The following ATP8A1 variants were observed in gnomAD, a reference collection of about 807,000 sequenced individuals.
The protein encoded by ATP8A1 is ATPase phospholipid transporting 8A1.
ATP8A1 carries 90 observed loss-of-function variants against 177.7 expected under a neutral mutation model. The observed-to-expected ratio is 0.51, with a 90% CI of 0.43 to 0.60. The LOEUF (loss-of-function observed/expected upper bound fraction) is 0.60, where lower values mean the gene tolerates loss of function less well. Among genes scored for constraint, ATP8A1 ranks in the 20% least tolerant of loss-of-function variants. The pLI is 0.00. For missense variants in ATP8A1, 1,072 were observed against 1,392.8 expected (o/e 0.77, Z 3.67); for synonymous variants, 493 against 485.9 (o/e 1.01, Z -0.19).
intron 10 of ATP8A1, 142 bp downstream of exon 10, chr4:42,581,479 G>T: frequency 1.5e-6 from 1 of 675,204 alleles, no homozygotes; most frequent in Non-Finnish European, 2.6e-6. Context: ...ACTCACAGGA[G>T]TACCAGATTC....
intron 6 of ATP8A1, 48 bp downstream of exon 6, chr4:42,600,430 A>AC (rs1465939605): frequency 6.6e-7 from 1 of 1,520,982 alleles, no homozygotes; most frequent in Admixed American, 1.9e-5. Context: ...ACTAGAGTAC[A>AC]CCGCTATGTA....
intron 20 of ATP8A1, among the ~76,000 whole-genome samples, chr4:42,543,205 G>T (rs2153206721): frequency 6.6e-6 from 1 of 152,246 alleles, no homozygotes; most frequent in Middle Eastern, 3.4e-3. Context: ...AGCTTCTTAA[G>T]TTCAATTTCC....
rs1247647154 is a variant in ATP8A1, at chr4:42,559,852, T to C, written c.1341-3812A>G. On this transcript the variant is annotated intron_variant, in intron 15 of 36. Coordinates refer to ENST00000381668, the MANE Select transcript of ATP8A1 (RefSeq NM_006095.2). Reference sequence around the variant, plus strand: ...TCCCAAGTAGCTGGTATTACAGGCATGTGTCATCACTCTTGGCTAATTTTT... The same window carrying C: ...TCCCAAGTAGCTGGTATTACAGGCACGTGTCATCACTCTTGGCTAATTTTT... 3.3e-5 allele frequency among the ~76,000 whole-genome samples: 5 copies of C among 152,112 alleles called. No homozygotes were observed. In the East Asian group the frequency reaches 9.6e-4, roughly 29 times the overall value.
At chr4:42,625,850 G>T (rs1738008750) in intron 2 of ATP8A1, 137 bp from the exon 3 acceptor site, 1 of 487,724 alleles carries the variant, frequency 2.1e-6, no homozygotes, top group Admixed American at 4.0e-5. Flanking sequence ...ATATTGCAAA[G>T]GGTCATTAAC....
In ATP8A1 at chr4:42,549,203, C is replaced by G. The variant is rs1729237778; in HGVS notation, c.1603-141G>C. The stretch of plus-strand genomic sequence containing the variant: ...CTGCTGAAATATGGAAGGGAGCTTA[C>G]TAACTTTTACGTAAATTGAGTTACA... On this transcript the variant is annotated intron_variant, in intron 18 of 36. Transcript: ENST00000381668. 3 of 644,094 alleles carry G rather than the reference C, an allele frequency of 4.7e-6. No homozygotes were observed. In the Admixed American group the frequency reaches 9.8e-5, roughly 21 times the overall value. 39.9% of individuals were successfully genotyped at this position (644,094 alleles called of 1,614,324 possible).
At position 42,471,450 on chromosome 4, in the gene ATP8A1, T is replaced by A. The variant is rs372570461; in HGVS notation, c.2325-6374A>T. ...ATGCATTTTAGATATAAAACCTCTCTTTTGTAGAATTTATGTGGTTATAGG... is the reference window on the plus strand; with the variant it reads ...ATGCATTTTAGATATAAAACCTCTCATTTGTAGAATTTATGTGGTTATAGG... On this transcript the variant is annotated intron_variant, in intron 25 of 36. Transcript: ENST00000381668. Among the ~76,000 whole-genome samples, 4 of 152,244 alleles carry A rather than the reference T, an allele frequency of 2.6e-5. No individual in the cohort carries two copies. In the East Asian group the frequency reaches 7.7e-4, roughly 29 times the overall value.
chr4:42,419,316 T>C (rs1713591358), intron 35 of ATP8A1, among the ~76,000 whole-genome samples: 1 of 152,208 alleles, frequency 6.6e-6, no homozygotes, highest in South Asian at 2.1e-4. Flanking sequence ...GCATTGCAGC[T>C]ATGACTAAGA....
intron 27 of ATP8A1, among the ~76,000 whole-genome samples, chr4:42,458,959 A>G (rs1237064045): frequency 1.2e-4 from 18 of 152,220 alleles, no homozygotes; most frequent in Non-Finnish European, 5.9e-5. Context: ...CACTAGAGAC[A>G]TTCAATGATG....
chr4:42,577,394 C>T (rs1009006420), intron 12 of ATP8A1, among the ~76,000 whole-genome samples: 2 of 152,068 alleles, frequency 1.3e-5, no homozygotes, highest in Non-Finnish European at 1.5e-5. Context: ...AAGAGATTGA[C>T]AGTTTAGGTA....
chr4:42,482,969 G>A (rs573931084), intron 25 of ATP8A1, among the ~76,000 whole-genome samples: 1 of 152,136 alleles, frequency 6.6e-6, no homozygotes, highest in Non-Finnish European at 1.5e-5. Context: ...ATAATAATCA[G>A]TATTTATCTG....
intron 24 of ATP8A1, among the ~76,000 whole-genome samples, chr4:42,488,572 T>C (rs1318617974): frequency 1.3e-5 from 2 of 152,130 alleles, no homozygotes; most frequent in African/African-American, 2.4e-5. Context: ...ACACAAATCT[T>C]GTCTCTTCTT....
chr4:42,456,513 A>G (rs1418138863), intron 27 of ATP8A1, among the ~76,000 whole-genome samples: 1 of 152,160 alleles, frequency 6.6e-6, no homozygotes, highest in African/African-American at 2.4e-5. Context: ...AGAAATCTTA[A>G]CTTTGGAAAC....
chr4:42,446,637 T>C lies in ATP8A1; in HGVS notation c.2904A>G (p.Ala968=), dbSNP rs139505439. 13 of 1,613,530 alleles carry C rather than the reference T, an allele frequency of 8.1e-6. No individual in the cohort carries two copies. In the African/African-American group the frequency reaches 1.7e-4, roughly 22 times the overall value. ...AATCCGAGGTTTTCCCATTTCCAAA[T>C]GCAGTACCTGTACGAAAAGGAGAGG... ...FPLKALQYGT[A]FGNGKTSDYL... is the part of the protein sequence containing the mutation. Residue 968 remains alanine (A), a synonymous_variant, in exon 31 of 37, where the codon GCA becomes GCG. Transcript: ENST00000381668.
chr4:42,485,831 A>C (rs1208215403), intron 24 of ATP8A1, among the ~76,000 whole-genome samples, 163 bp from the exon 25 acceptor site: 1 of 152,180 alleles, frequency 6.6e-6, no homozygotes, highest in Non-Finnish European at 1.5e-5. Context: ...CTAGCCCCTC[A>C]GGAGCCTGCA....
intron 21 of ATP8A1, among the ~76,000 whole-genome samples, chr4:42,523,510 C>T (rs746439304): frequency 6.6e-6 from 1 of 152,130 alleles, no homozygotes; most frequent in African/African-American, 2.4e-5. Flanking sequence ...GAGAGTGGAA[C>T]TTAAATCCCT....
At chr4:42,588,484 T>C in intron 7 of ATP8A1, 155 bp from the exon 8 acceptor site, 3 of 612,656 alleles carry the variant, frequency 4.9e-6, no homozygotes, top group South Asian at 4.5e-5. Flanking sequence ...AGCAAGATGC[T>C]GTGAGGCAGA....
At chr4:42,465,872 A>C (rs1719691075) in intron 25 of ATP8A1, among the ~76,000 whole-genome samples, 1 of 152,064 alleles carries the variant, frequency 6.6e-6, no homozygotes, top group South Asian at 2.1e-4. Context: ...CTCTACTAAA[A>C]ATACAAAAAA....
At chr4:42,511,655 T>C (rs1327313561) in intron 22 of ATP8A1, among the ~76,000 whole-genome samples, 3 of 152,124 alleles carry the variant, frequency 2.0e-5, no homozygotes, top group African/African-American at 7.3e-5. Context: ...GTAACATTTC[T>C]ACTGTAAGTG....
chr4:42,490,600 T>A (rs891033479), intron 24 of ATP8A1, among the ~76,000 whole-genome samples: 1 of 152,156 alleles, frequency 6.6e-6, no homozygotes, highest in Non-Finnish European at 1.5e-5. Flanking sequence ...CTTTACCTAA[T>A]CCCCTCTAGT....
Sources: gnomAD v4.1 joint callset for allele counts (sites outside exome capture counted in the v4.1 genomes callset) on GRCh38, gnomAD v4.1.1 for gene constraint, MANE v1.5 for transcripts, NCBI Gene and HGNC (gene_info 2026-07-23, HGNC 2026-07-21) for gene names.